Variants in PRMT3 observed in about 807,000 individuals in gnomAD.
The protein encoded by PRMT3 is protein arginine N-methyltransferase 3.
PRMT3 carries 62 observed loss-of-function variants against 71.9 expected under a neutral mutation model. That is an observed-to-expected ratio of 0.86 (90% CI 0.70 to 1.07). The LOEUF is 1.07. Among genes scored for constraint, PRMT3 ranks in the 50% least tolerant of loss-of-function variants. The pLI is 0.00. For missense variants in PRMT3, 663 were observed against 643.0 expected (o/e 1.03, Z -0.34); for synonymous variants, 213 against 220.4 (o/e 0.97, Z 0.30).
intron 7 of PRMT3, among the ~76,000 whole-genome samples, chr11:20,399,023 T>C (rs1848893185): frequency 6.6e-6 from 1 of 152,218 alleles, no homozygotes; most frequent in African/African-American, 2.4e-5. Flanking sequence ...TTATAGATTG[T>C]AAAATAGGAA....
intron 10 of PRMT3, among the ~76,000 whole-genome samples, chr11:20,448,232 A>T (rs940804835): frequency 6.6e-6 from 1 of 152,108 alleles, no homozygotes; most frequent in Non-Finnish European, 1.5e-5. Flanking sequence ...GATGATGAGG[A>T]TTCCAGTCAG....
At chr11:20,489,266 C>T (rs1479642001) in intron 13 of PRMT3, among the ~76,000 whole-genome samples, 1 of 151,996 alleles carries the variant, frequency 6.6e-6, no homozygotes, top group East Asian at 1.9e-4. Context: ...TAACTGTGAC[C>T]TTGCCTTTGC....
chr11:20,507,830 G>T (rs1462976499), intron 15 of PRMT3, among the ~76,000 whole-genome samples: 1 of 151,352 alleles, frequency 6.6e-6, no homozygotes, highest in Non-Finnish European at 1.5e-5. Flanking sequence ...ATATTGGCTG[G>T]GCACAATGGC....
At position 20,508,437 on chromosome 11, in the gene PRMT3, T is replaced by G. The variant is rs763916954; in HGVS notation, c.*24T>G. The G allele has an allele frequency of 3.3e-6, 5 of 1,522,742 alleles. No homozygotes were observed. Among genetic ancestry groups the G allele is most frequent in the Non-Finnish European group, 4.6e-6 (5 of 1,097,196 alleles). 94.3% of individuals were successfully genotyped at this position (1,522,742 alleles called of 1,614,324 possible). On this transcript the variant is annotated 3_prime_UTR_variant, in exon 16 of 16. Transcript: ENST00000331079. ...GAAACAGCCATAAAAGCACACTACC[T>G]TGTAGTTTTTAATGTGGGGGTAGAG...
At chr11:20,492,162 T>A (rs1291107917) in intron 13 of PRMT3, among the ~76,000 whole-genome samples, 3 of 152,198 alleles carry the variant, frequency 2.0e-5, no homozygotes, top group African/African-American at 7.2e-5. Flanking sequence ...ACAGAATGTA[T>A]AATAAACACA....
At chr11:20,397,846 A>C in intron 7 of PRMT3, 125 bp downstream of exon 7, 2 of 931,228 alleles carry the variant, frequency 2.1e-6, no homozygotes. Context: ...CTTTTTAAAC[A>C]CCTCTTTGGT....
At chr11:20,468,765 A>G (rs888580068) in intron 13 of PRMT3, among the ~76,000 whole-genome samples, 1 of 152,138 alleles carries the variant, frequency 6.6e-6, no homozygotes, top group African/African-American at 2.4e-5. Flanking sequence ...TGCTAAGAAC[A>G]CCCCTTTTGT....
intron 13 of PRMT3, among the ~76,000 whole-genome samples, chr11:20,464,902 ATGTT>A (rs1231766502): frequency 6.6e-6 from 1 of 152,168 alleles, no homozygotes; most frequent in Non-Finnish European, 1.5e-5. Context: ...GATGGAAGAT[ATGTT>A]TATTTGGTAG....
rs998029981 is a variant in PRMT3, at chr11:20,418,320, T to C, written c.894-8446T>C. Among the ~76,000 whole-genome samples, 5 of 152,294 alleles carry C rather than the reference T, an allele frequency of 3.3e-5. No individual in the cohort carries two copies. In the East Asian group the frequency reaches 9.6e-4, roughly 29 times the overall value. Reference sequence around the variant, plus strand: ...AGCCACTTGAGAAAACTAAGTAAAATCTGTATATTTTTTTCACGAATGGAA... The same window carrying C: ...AGCCACTTGAGAAAACTAAGTAAAACCTGTATATTTTTTTCACGAATGGAA... On this transcript the variant is annotated intron_variant, in intron 9 of 15. Transcript: ENST00000331079.
chr11:20,446,969 A>G (rs191811700), intron 10 of PRMT3, among the ~76,000 whole-genome samples: 9 of 152,166 alleles, frequency 5.9e-5, no homozygotes, highest in African/African-American at 2.2e-4. Flanking sequence ...GAAAACTCTC[A>G]TGTAATTTCA....
At chr11:20,390,726 T>C (rs539556885) in intron 3 of PRMT3, among the ~76,000 whole-genome samples, 2 of 152,340 alleles carry the variant, frequency 1.3e-5, no homozygotes, top group South Asian at 4.1e-4. Flanking sequence ...ACGCCTGTGA[T>C]TCCAACACTT....
At chr11:20,438,909 G>C (rs1278786641) in intron 10 of PRMT3, among the ~76,000 whole-genome samples, 1 of 152,156 alleles carries the variant, frequency 6.6e-6, no homozygotes, top group Non-Finnish European at 1.5e-5. Context: ...AGCTTGAGGG[G>C]GTGGGAGAGG....
intron 13 of PRMT3, among the ~76,000 whole-genome samples, chr11:20,467,355 T>G (rs970177401): frequency 4.6e-5 from 7 of 152,200 alleles, no homozygotes; most frequent in African/African-American, 1.7e-4. Flanking sequence ...ACTCATATTA[T>G]TCCCATCTTA....
At chr11:20,396,662 G>A (rs1382490148) in intron 6 of PRMT3, among the ~76,000 whole-genome samples, 1 of 152,034 alleles carries the variant, frequency 6.6e-6, no homozygotes, top group East Asian at 1.9e-4. Flanking sequence ...GGGGGAATCA[G>A]AATGTAATTA....
chr11:20,480,987 A>C (rs1850918104), intron 13 of PRMT3, among the ~76,000 whole-genome samples: 1 of 152,186 alleles, frequency 6.6e-6, no homozygotes, highest in African/African-American at 2.4e-5. Flanking sequence ...TGTCTTGTCA[A>C]GTCATACTTG....
chr11:20,504,743 A>AGAGAGAGAGAGC (rs1565243530), intron 15 of PRMT3, among the ~76,000 whole-genome samples: 2 of 145,706 alleles, frequency 1.4e-5, no homozygotes, highest in Middle Eastern at 3.5e-3. Context: ...AGAGAGAGAG[A>AGAGAGAGAGAGC]GAGCGAGAGC....
chr11:20,389,164 T>C (rs1848659572), intron 2 of PRMT3, among the ~76,000 whole-genome samples: 1 of 152,262 alleles, frequency 6.6e-6, no homozygotes, highest in Non-Finnish European at 1.5e-5. Flanking sequence ...CTCTGCTGTG[T>C]ATTCCTGTCT....
chr11:20,397,674 T>TACGGGC lies in PRMT3; in HGVS notation c.659_660insCGGGCA (p.Tyr220_Phe221insGlyHis). ...CCTCCAGGAGGATGAGGATGGTGTT[T>TACGGGC]ATTTCAGCTCATACGGGCATTATGG... On this transcript the variant is annotated inframe_insertion, in exon 7 of 16. Coordinates refer to ENST00000331079, the MANE Select transcript of PRMT3 (RefSeq NM_005788.4). 1 of 1,614,192 alleles carries TACGGGC rather than the reference T, an allele frequency of 6.2e-7. No homozygotes were observed. Among genetic ancestry groups the TACGGGC allele is most frequent in the Non-Finnish European group, 8.5e-7 (1 of 1,180,028 alleles).
At chr11:20,479,527 C>T (rs571785954) in intron 13 of PRMT3, among the ~76,000 whole-genome samples, 54 of 152,120 alleles carry the variant, frequency 3.5e-4, no homozygotes, top group African/African-American at 1.1e-3. Flanking sequence ...AGAAAATGTC[C>T]GTCTTTTTAC....
Sources: allele counts gnomAD v4.1 joint callset (sites outside exome capture counted in the v4.1 genomes callset), GRCh38; gene constraint gnomAD v4.1.1; transcripts MANE v1.5; gene names NCBI Gene and HGNC (gene_info 2026-07-23, HGNC 2026-07-21).